Variants in ICA1L observed in about 807,000 individuals in gnomAD.
ICA1L encodes the protein islet cell autoantigen 1-like protein.
In ICA1L, 50 loss-of-function variants were observed where a neutral mutation model predicts 61.3. That is an observed-to-expected ratio of 0.82 (90% confidence interval 0.65 to 1.03). The LOEUF (loss-of-function observed/expected upper bound fraction) is 1.03. Ranked by LOEUF, ICA1L falls within the 50% of genes least tolerant of loss-of-function variation. The probability of loss-of-function intolerance (pLI) is 0.00; values close to 1 mark genes in which losing one functional copy is unlikely to be tolerated. For missense variants in ICA1L, 508 were observed against 556.7 expected, an observed-to-expected ratio of 0.91 and a Z score of 0.88; for synonymous variants, 161 against 191.3, an observed-to-expected ratio of 0.84 and a Z score of 1.31.
chr2:202,796,871 A>C lies in ICA1L; in HGVS notation c.985+19T>G. The stretch of plus-strand genomic sequence containing the variant: ...GAATTTTAAAGAATCATTCATATGT[A>C]GAGTGAAATGATTCTTACCATTTTC... On this transcript the variant is annotated intron_variant, in intron 10 of 12. Coordinates refer to ENST00000358299, the MANE Select transcript of ICA1L (RefSeq NM_001288622.3). 7.2e-7 allele frequency: 1 copy of C among 1,392,678 alleles called. No individual in the cohort carries two copies. The highest frequency in any genetic ancestry group is 1.3e-5 in the South Asian group (1 of 79,948). 86.3% of individuals were successfully genotyped at this position (1,392,678 alleles called of 1,614,324 possible).
At chr2:202,784,985 T>C (rs1394177180) in intron 12 of ICA1L, among the ~76,000 whole-genome samples, 1 of 151,982 alleles carries the variant, frequency 6.6e-6, no homozygotes, top group Non-Finnish European at 1.5e-5. Flanking sequence ...TTTGGGAGCC[T>C]GAGGCGGGCG....
intron 5 of ICA1L, 38 bp from the exon 6 acceptor site, chr2:202,817,581 CTATAAA>C: frequency 8.1e-7 from 1 of 1,241,938 alleles, no homozygotes; most frequent in Non-Finnish European, 1.1e-6. Context: ...CAGATATATA[CTATAAA>C]TATAGTATGT....
chr2:202,798,969 C>A (rs1477510893), intron 9 of ICA1L, among the ~76,000 whole-genome samples: 1 of 152,102 alleles, frequency 6.6e-6, no homozygotes, highest in Non-Finnish European at 1.5e-5. Context: ...CTTTTTATGG[C>A]TGAATGGTAT....
At chr2:202,825,406 A>T in intron 3 of ICA1L, 9 of 455,468 alleles carry the variant, frequency 2.0e-5, no homozygotes, top group Non-Finnish European at 2.9e-5. Context: ...GGTGGTGGAG[A>T]CTGTAGTGAG....
intron 10 of ICA1L, among the ~76,000 whole-genome samples, chr2:202,789,613 C>T (rs1051616995): frequency 1.3e-5 from 2 of 152,108 alleles, no homozygotes; most frequent in Non-Finnish European, 2.9e-5. Flanking sequence ...AAACAACATG[C>T]TCTGATCATA....
At chr2:202,850,110 G>A (rs894443586) in intron 1 of ICA1L, among the ~76,000 whole-genome samples, 2 of 151,922 alleles carry the variant, frequency 1.3e-5, no homozygotes, top group Non-Finnish European at 1.5e-5. Flanking sequence ...CATCAAAAAA[G>A]GACCCCCATA....
intron 4 of ICA1L, among the ~76,000 whole-genome samples, chr2:202,821,092 G>A (rs1317500951): frequency 6.6e-6 from 1 of 152,168 alleles, no homozygotes; most frequent in African/African-American, 2.4e-5. Flanking sequence ...ATACTTGTCT[G>A]ATTTTAGGGG....
chr2:202,823,961 A>C (rs1313955714), intron 3 of ICA1L, among the ~76,000 whole-genome samples: 2 of 152,224 alleles, frequency 1.3e-5, no homozygotes, highest in African/African-American at 4.8e-5. Context: ...TTAATGGGAC[A>C]ATGTATAAGC....
At chr2:202,818,604 G>T (rs867642211) in intron 5 of ICA1L, among the ~76,000 whole-genome samples, 1 of 152,084 alleles carries the variant, frequency 6.6e-6, no homozygotes, top group Admixed American at 6.5e-5. Context: ...TGAATCATGG[G>T]GGCAGGTCTT....
chr2:202,844,917 G>A (rs974096083), intron 1 of ICA1L, among the ~76,000 whole-genome samples: 1 of 152,170 alleles, frequency 6.6e-6, no homozygotes, highest in African/African-American at 2.4e-5. Context: ...CTACAAAGGA[G>A]AATCCATTTC....
intron 9 of ICA1L, among the ~76,000 whole-genome samples, chr2:202,799,546 T>C (rs1693032413): frequency 6.6e-6 from 1 of 152,236 alleles, no homozygotes; most frequent in Admixed American, 6.5e-5. Context: ...TTTGCAAATA[T>C]TTTATCCCAT....
intron 1 of ICA1L, among the ~76,000 whole-genome samples, chr2:202,846,034 T>C (rs1261075454): frequency 6.6e-6 from 1 of 152,102 alleles, no homozygotes; most frequent in Non-Finnish European, 1.5e-5. Context: ...ATAATTCAAC[T>C]TTGGAAGGGG....
chr2:202,845,219 A>C (rs1043260202), intron 1 of ICA1L, among the ~76,000 whole-genome samples: 2 of 152,170 alleles, frequency 1.3e-5, no homozygotes, highest in Non-Finnish European at 2.9e-5. Flanking sequence ...TAACATATTC[A>C]TAGGTTTCAG....
At chr2:202,845,789 C>T (rs1329305907) in intron 1 of ICA1L, among the ~76,000 whole-genome samples, 1 of 152,130 alleles carries the variant, frequency 6.6e-6, no homozygotes, top group Non-Finnish European at 1.5e-5. Flanking sequence ...ATTACTATGA[C>T]ATCACTGAAA....
intron 9 of ICA1L, among the ~76,000 whole-genome samples, chr2:202,802,727 A>G (rs1693115220): frequency 6.6e-6 from 1 of 152,170 alleles, no homozygotes; most frequent in African/African-American, 2.4e-5. Context: ...ATAGAAAGAA[A>G]TAGTAAGACA....
At chr2:202,781,995 TC>T (rs1343772783) in intron 12 of ICA1L, among the ~76,000 whole-genome samples, 1 of 152,180 alleles carries the variant, frequency 6.6e-6, no homozygotes, top group Non-Finnish European at 1.5e-5. Flanking sequence ...AATTTGTACT[TC>T]CTTAATGACT....
Position 202,836,382 on chromosome 2 carries a change from C to T in ICA1L, c.-7-7366G>A, listed in dbSNP as rs180831675. 3.4e-3 allele frequency among the ~76,000 whole-genome samples: 525 copies of T among 152,214 alleles called. 1 individual carries two copies. Among genetic ancestry groups the T allele is most frequent in the Middle Eastern group, 6.8e-3 (2 of 294 alleles). ...AATCCCACTTGATCATGGTGAATGACCCTTCTAATGTGCTGTTGAATTTGG... is the reference window on the plus strand; with the variant it reads ...AATCCCACTTGATCATGGTGAATGATCCTTCTAATGTGCTGTTGAATTTGG... On this transcript the variant is annotated intron_variant, in intron 1 of 12. Coordinates refer to ENST00000358299, the MANE Select transcript of ICA1L (RefSeq NM_001288622.3).
At chr2:202,863,678 T>A (rs1351066585) in intron 1 of ICA1L, among the ~76,000 whole-genome samples, 1 of 151,564 alleles carries the variant, frequency 6.6e-6, no homozygotes, top group African/African-American at 2.4e-5. Flanking sequence ...TTACAAAAAA[T>A]CAGCCCGGCG....
intron 9 of ICA1L, among the ~76,000 whole-genome samples, chr2:202,797,324 T>C (rs1211207917): frequency 6.6e-6 from 1 of 152,156 alleles, no homozygotes; most frequent in Non-Finnish European, 1.5e-5. Context: ...CTGATCTCCA[T>C]GCCTTGACAC....
Sources: allele counts gnomAD v4.1 joint callset (sites outside exome capture counted in the v4.1 genomes callset), GRCh38; gene constraint gnomAD v4.1.1; transcripts MANE v1.5; gene names NCBI Gene and HGNC (gene_info 2026-07-23, HGNC 2026-07-21).